The following OPCML variants were observed in gnomAD, a reference collection of about 807,000 sequenced individuals.
The protein encoded by OPCML is opioid binding protein/cell adhesion molecule like.
In OPCML, 13 loss-of-function variants were observed where a neutral mutation model predicts 37.8. The ratio of observed to expected loss-of-function variants is 0.34; its 90% CI spans 0.22 to 0.55. OPCML has a LOEUF of 0.55. OPCML is among the 20% of genes least tolerant of loss of function. The pLI is 0.91. For synonymous variants in OPCML, 176 were observed against 168.8 expected, an observed-to-expected ratio of 1.04 and a Z score of -0.33; for missense variants, 341 against 435.6, an observed-to-expected ratio of 0.78 and a Z score of 1.93.
rs532414017 is a variant in OPCML, at chr11:132,491,209, T to C, written c.505+37852A>G. Among the ~76,000 whole-genome samples the C allele has an allele frequency of 1.2e-3, 180 of 152,338 alleles. 1 individual carries two copies. The highest frequency in any genetic ancestry group is 4.1e-3 in the African/African-American group (170 of 41,580). On this transcript the variant is annotated intron_variant, in intron 4 of 7. Coordinates refer to ENST00000524381, the MANE Select transcript of OPCML (RefSeq NM_001012393.5). ...CCCTCGGTGTGCTCATCACGGGCCC[T>C]GGAGATTCATTCTTTTAAAGAGTGA...
At chr11:133,145,878 G>A (rs1350106778) in intron 1 of OPCML, among the ~76,000 whole-genome samples, 1 of 152,186 alleles carries the variant, frequency 6.6e-6, no homozygotes, top group Non-Finnish European at 1.5e-5. Flanking sequence ...GAACCATGAT[G>A]ACAGGAAGTG....
chr11:132,615,320 TC>T (rs2137876031), intron 3 of OPCML, among the ~76,000 whole-genome samples: 1 of 152,310 alleles, frequency 6.6e-6, no homozygotes, highest in African/African-American at 2.4e-5. Flanking sequence ...GCTCTGCCAT[TC>T]ATTAGTAGTG....
At chr11:132,935,829 G>A (rs1945349993) in intron 2 of OPCML, among the ~76,000 whole-genome samples, 1 of 152,274 alleles carries the variant, frequency 6.6e-6, no homozygotes, top group South Asian at 2.1e-4. Context: ...CTATACTTTG[G>A]TATCACTCAT....
chr11:133,275,582 G>T (rs1001153718), intron 1 of OPCML, among the ~76,000 whole-genome samples: 1 of 152,146 alleles, frequency 6.6e-6, no homozygotes, highest in African/African-American at 2.4e-5. Flanking sequence ...TGTCCATCTT[G>T]CTTTGCCTCT....
chr11:133,054,850 A>T (rs530025688), intron 1 of OPCML, among the ~76,000 whole-genome samples: 2 of 148,272 alleles, frequency 1.3e-5, no homozygotes, highest in Non-Finnish European at 3.0e-5. Context: ...TGAAGGAGCC[A>T]CCTCTACTGT....
intron 1 of OPCML, chr11:133,422,487 G>T (rs1945912585): frequency 1.0e-6 from 1 of 983,150 alleles, no homozygotes; most frequent in Non-Finnish European, 1.2e-6. Flanking sequence ...TTAGCTTAGC[G>T]TCTTGCTAGG....
intron 1 of OPCML, among the ~76,000 whole-genome samples, chr11:133,352,188 T>G (rs1420618544): frequency 6.6e-6 from 1 of 152,230 alleles, no homozygotes; most frequent in Admixed American, 6.5e-5. Context: ...TAGAATAAAC[T>G]TCAGGCTTCT....
chr11:133,368,031 G>A (rs1192544607), intron 1 of OPCML, among the ~76,000 whole-genome samples: 2 of 152,206 alleles, frequency 1.3e-5, no homozygotes, highest in Admixed American at 6.5e-5. Flanking sequence ...AAAAATTGAT[G>A]CAAAGAACTT....
Position 132,529,186 on chromosome 11 carries a change from A to G in OPCML, c.380T>C (p.Val127Ala). Residue 127 changes from valine (V) to alanine (A), a missense_variant and splice_region_variant, in exon 4 of 8, where the codon GTT (valine) becomes GCT (alanine). Physicochemically the swap from Val to Ala is moderately conservative, Grantham distance 64. Transcript: ENST00000524381. ...GGAGATATTCATGATCTGAGGAGGA[A>G]CTGTAAGGAAACAGGATAGAAGAAA... ...KTSRVHLIVQVPPQIMNISSD... is the reference protein window; with the variant it reads ...KTSRVHLIVQAPPQIMNISSD... 6.2e-7 allele frequency: 1 copy of G among 1,608,376 alleles called. No individual in the cohort carries two copies. The highest frequency in any genetic ancestry group is 8.5e-7 in the Non-Finnish European group (1 of 1,177,060).
At chr11:132,963,750 G>A (rs1946147583) in intron 1 of OPCML, among the ~76,000 whole-genome samples, 2 of 138,006 alleles carry the variant, frequency 1.4e-5, no homozygotes, top group East Asian at 2.3e-4. Flanking sequence ...TCCGTATTAC[G>A]ATATTATTAT....
At chr11:132,935,170 A>T (rs1225055209) in intron 2 of OPCML, among the ~76,000 whole-genome samples, 1 of 152,084 alleles carries the variant, frequency 6.6e-6, no homozygotes, top group Non-Finnish European at 1.5e-5. Flanking sequence ...ACATATTTTA[A>T]AATTAAATTT....
intron 1 of OPCML, among the ~76,000 whole-genome samples, chr11:133,022,145 T>C (rs1042513411): frequency 6.6e-6 from 1 of 152,140 alleles, no homozygotes; most frequent in African/African-American, 2.4e-5. Flanking sequence ...GGGCTGGCAA[T>C]TTTCTGCTGA....
At chr11:133,524,121 A>G (rs1948444958) in intron 1 of OPCML, among the ~76,000 whole-genome samples, 3 of 152,226 alleles carry the variant, frequency 2.0e-5, no homozygotes. Flanking sequence ...TCACATAGTA[A>G]TCACTCAATA....
At chr11:132,751,415 A>G (rs1466999191) in intron 2 of OPCML, among the ~76,000 whole-genome samples, 1 of 152,190 alleles carries the variant, frequency 6.6e-6, no homozygotes, top group Non-Finnish European at 1.5e-5. Context: ...ATAAGTGCTT[A>G]GAGACCACTA....
intron 3 of OPCML, among the ~76,000 whole-genome samples, chr11:132,556,280 T>C (rs564453517): frequency 1.3e-5 from 2 of 152,274 alleles, no homozygotes; most frequent in South Asian, 4.2e-4. Flanking sequence ...AACCAGAACA[T>C]ATTAATTCTA....
chr11:132,489,923 G>A (rs1376202816), intron 4 of OPCML, among the ~76,000 whole-genome samples: 2 of 152,212 alleles, frequency 1.3e-5, no homozygotes, highest in East Asian at 3.9e-4. Context: ...TCCCATTTAT[G>A]AGTGAGAACA....
In OPCML at chr11:132,820,162, C is replaced by T. The variant is rs565184231; in HGVS notation, c.146+122764G>A. On this transcript the variant is annotated intron_variant, in intron 2 of 7. Transcript: ENST00000524381. ...TGTGGGATTTGAATCTCCTTCCTGC[C>T]GTCTTGGGTTCTTAGGAGCCCGTAA... Among the ~76,000 whole-genome samples, 40 of 152,136 alleles carry T rather than the reference C, an allele frequency of 2.6e-4. No homozygotes were observed. The South Asian group carries it at 3.1e-3, about 12-fold the overall frequency.
At chr11:132,971,697 C>G (rs1428291351) in intron 1 of OPCML, among the ~76,000 whole-genome samples, 4 of 152,190 alleles carry the variant, frequency 2.6e-5, no homozygotes, top group Non-Finnish European at 5.9e-5. Context: ...CAGGGAGGCT[C>G]TGTCTGCAGT....
intron 1 of OPCML, among the ~76,000 whole-genome samples, chr11:133,333,673 C>T (rs185051404): frequency 2.2e-4 from 33 of 152,172 alleles, no homozygotes; most frequent in South Asian, 4.2e-4. Flanking sequence ...TGCTGTGCAG[C>T]GAAAGAAACT....
Sources: gnomAD v4.1 joint callset for allele counts (sites outside exome capture counted in the v4.1 genomes callset) on GRCh38, gnomAD v4.1.1 for gene constraint, MANE v1.5 for transcripts, NCBI Gene and HGNC (gene_info 2026-07-23, HGNC 2026-07-21) for gene names.